The following SLC24A1 variants were observed in gnomAD, a reference collection of about 807,000 sequenced individuals.
SLC24A1 encodes sodium/potassium/calcium exchanger 1.
Under a neutral mutation model 88.1 loss-of-function variants are expected in SLC24A1, and 52 were observed. That is an observed-to-expected ratio of 0.59 (90% CI 0.47 to 0.74). SLC24A1 has a LOEUF of 0.74. Among genes scored for constraint, SLC24A1 ranks in the 30% least tolerant of loss-of-function variants. SLC24A1 has a pLI of 0.00. For missense variants in SLC24A1, 1,173 were observed against 1,363.3 expected (o/e 0.86, Z 2.20); for synonymous variants, 455 against 498.0 (o/e 0.91, Z 1.15).
rs757825927 is a variant in SLC24A1 at position 65,639,639 on chromosome 15, C to T, written c.1989C>T (p.His663=). Residue 663 remains histidine, a synonymous_variant, in exon 4 of 10, where the codon CAC becomes CAT. Transcript: ENST00000261892. ...LTRGSSSTSL[H]NSTIRSTIYQ... ...GAGGGAGCAGCTCGACCTCTCTGCA[C>T]AACAGCACCATCCGCAGCACCATCT... is the stretch of plus-strand genomic sequence containing the variant. The T allele has an allele frequency of 1.1e-5, 18 of 1,612,932 alleles. No individual in the cohort carries two copies. Among genetic ancestry groups the T allele is most frequent in the Non-Finnish European group, 1.4e-5 (17 of 1,179,576 alleles).
intron 1 of SLC24A1, among the ~76,000 whole-genome samples, chr15:65,622,573 T>A (rs62013124): frequency 1.2e-4 from 19 of 152,156 alleles, no homozygotes; most frequent in Non-Finnish European, 2.5e-4. Flanking sequence ...ACTAATCATT[T>A]CCAGTTATTG....
downstream of SLC24A1, chr15:65,660,181 C>A: frequency 3.9e-6 from 3 of 759,794 alleles, no homozygotes; most frequent in Non-Finnish European, 6.7e-6. Context: ...AAAGGAGAGG[C>A]AGATATATGT....
intron 6 of SLC24A1, among the ~76,000 whole-genome samples, chr15:65,646,218 C>G (rs1412855064): frequency 6.6e-6 from 1 of 152,110 alleles, no homozygotes; most frequent in African/African-American, 2.4e-5. Context: ...GATTTCTTGT[C>G]TCCATGTTTT....
intron 6 of SLC24A1, 39 bp downstream of exon 6, chr15:65,645,742 T>C (rs1358802929): frequency 2.1e-6 from 3 of 1,435,994 alleles, no homozygotes; most frequent in Non-Finnish European, 2.9e-6. Flanking sequence ...ATTGGAGAGG[T>C]CTAGGGAAGG....
intron 2 of SLC24A1, among the ~76,000 whole-genome samples, chr15:65,628,500 G>A (rs531695831): frequency 5.9e-4 from 90 of 152,292 alleles, no homozygotes; most frequent in African/African-American, 2.1e-3. Context: ...AGGAGTCAGG[G>A]GTTGAGAATC....
intron 6 of SLC24A1, among the ~76,000 whole-genome samples, 166 bp downstream of exon 6, chr15:65,645,869 A>G (rs1034038565): frequency 6.6e-6 from 1 of 152,236 alleles, no homozygotes; most frequent in South Asian, 2.1e-4. Flanking sequence ...CAAGTATCTC[A>G]TGGGGCCAAT....
At chr15:65,643,580 A>G (rs2075205035) in intron 4 of SLC24A1, among the ~76,000 whole-genome samples, 1 of 152,148 alleles carries the variant, frequency 6.6e-6, no homozygotes, top group Non-Finnish European at 1.5e-5. Flanking sequence ...CCTTCACCTC[A>G]GCCTTGTTCC....
In SLC24A1 at chr15:65,624,105, C is replaced by T. The variant is rs1317288532; in HGVS notation, c.25C>T (p.Pro9Ser). Residue 9 changes from proline (P) to serine (S), a missense_variant, in exon 2 of 10, where the codon CCG becomes TCG. Pro to Ser is a moderately conservative substitution (Grantham distance 74). Coordinates refer to ENST00000261892, the MANE Select transcript of SLC24A1 (RefSeq NM_004727.3). ...CATGGGGAAATTGATCAGGATGGGG[C>T]CGCAAGAGAGGTGGTTACTCCGGAC... Reference protein sequence around the residue: MGKLIRMGPQERWLLRTKR... With the variant: MGKLIRMGSQERWLLRTKR... 1.9e-6 allele frequency: 3 copies of T among 1,605,786 alleles called. No individual in the cohort carries two copies. The East Asian group carries it at 6.7e-5, about 36-fold the overall frequency.
At chr15:65,623,358 C>T (rs1416367006) in intron 1 of SLC24A1, among the ~76,000 whole-genome samples, 3 of 152,140 alleles carry the variant, frequency 2.0e-5, no homozygotes, top group African/African-American at 7.2e-5. Flanking sequence ...TCTAGGCTTT[C>T]AACTCCATTC....
intron 2 of SLC24A1, among the ~76,000 whole-genome samples, chr15:65,637,621 CACACA>C (rs1369026297): frequency 6.6e-6 from 1 of 152,160 alleles, no homozygotes; most frequent in African/African-American, 2.4e-5. Context: ...TCATGCTGGC[CACACA>C]GTGGTGAATA....
intron 6 of SLC24A1, among the ~76,000 whole-genome samples, chr15:65,647,475 CAAAAAAAAAAAA>C (rs199501932): frequency 0.11 from 9,203 of 81,592 alleles, 349 homozygotes; most frequent in African/African-American, 0.16. Context: ...GAGACTGTCT[CAAAAAAAAAAAA>C]AAAAAAAAAA....
upstream of SLC24A1, chr15:65,611,365 C>T (rs1273056737): frequency 6.6e-6 from 4 of 608,192 alleles, no homozygotes; most frequent in Admixed American, 5.8e-5. Context: ...TCCCCAACTT[C>T]TCTCGAGCCT....
At position 65,625,768 on chromosome 15, in the gene SLC24A1, CCTT is replaced by C. The variant is rs1555403793; in HGVS notation, c.1691_1693del (p.Phe564del). 3 of 1,614,042 alleles carry C rather than the reference CCTT, an allele frequency of 1.9e-6. No homozygotes were observed. The Admixed American group carries it at 5.0e-5, about 27-fold the overall frequency. On this transcript the variant is annotated inframe_deletion, in exon 2 of 10. Transcript: ENST00000261892. ...TGGTGGCCCTTATTCCGTGATGTCT[CCTT>C]CTACATCCTTGACCTGATAATGCTC...
chr15:65,656,459 T>C (rs1487436637), downstream of SLC24A1, among the ~76,000 whole-genome samples: 1 of 152,226 alleles, frequency 6.6e-6, no homozygotes, highest in Middle Eastern at 3.2e-3. Context: ...AAAAGACTAA[T>C]TGGTTATACC....
In SLC24A1 at chr15:65,651,748, T is replaced by G; in HGVS notation, c.2872T>G (p.Trp958Gly). 6.3e-7 allele frequency: 1 copy of G among 1,590,924 alleles called. No individual in the cohort carries two copies. The highest frequency in any genetic ancestry group is 1.3e-5 in the African/African-American group (1 of 74,588). Residue 958 changes from tryptophan (W) to glycine (G), a missense_variant, in exon 8 of 10, where the codon TGG becomes GGG. Coordinates refer to ENST00000261892, the MANE Select transcript of SLC24A1 (RefSeq NM_004727.3). Reference protein sequence around the residue: ...IAMFSYLMVWWAHQVGETIGI... With the variant: ...IAMFSYLMVWGAHQVGETIGI... The stretch of plus-strand genomic sequence containing the variant: ...CATGTTCTCATACCTCATGGTGTGG[T>G]GGGCTCACCAGGTGAGTGAACAGCA...
At chr15:65,660,959 G>A (rs899833186), downstream of SLC24A1, 9 of 152,136 alleles carry the variant, frequency 5.9e-5, no homozygotes, top group African/African-American at 1.9e-4. Context: ...ATTTCCCAAT[G>A]TAAGTTTTCA....
At chr15:65,634,103 A>G (rs1399398560) in intron 2 of SLC24A1, among the ~76,000 whole-genome samples, 1 of 152,146 alleles carries the variant, frequency 6.6e-6, no homozygotes, top group Non-Finnish European at 1.5e-5. Flanking sequence ...TTGGGATGCA[A>G]TACTGTATTC....
chr15:65,654,754 G>T lies in SLC24A1; in HGVS notation c.*675G>T, dbSNP rs1169806472. 6.9e-6 allele frequency: 8 copies of T among 1,159,856 alleles called. No individual in the cohort carries two copies. In the African/African-American group the frequency reaches 1.3e-4, roughly 19 times the overall value. The allele number at this position is 1,159,856 out of a possible 1,614,324, so 71.8% of individuals were successfully genotyped here. On this transcript the variant is annotated 3_prime_UTR_variant, in exon 10 of 10. Transcript: ENST00000261892. ...GAGTTTGGCTCTTGTTGCCCAGGCT[G>T]GTGTGCAATGGCGTGATCTCGGCAC... is the stretch of plus-strand genomic sequence containing the variant.
At chr15:65,628,406 G>A (rs776425838) in intron 2 of SLC24A1, among the ~76,000 whole-genome samples, 2 of 152,186 alleles carry the variant, frequency 1.3e-5, no homozygotes, top group African/African-American at 2.4e-5. Context: ...CCAGTGTCTT[G>A]TTCTTAGAAG....
Sources: gnomAD v4.1 joint callset for allele counts (sites outside exome capture counted in the v4.1 genomes callset) on GRCh38, gnomAD v4.1.1 for gene constraint, MANE v1.5 for transcripts, NCBI Gene and HGNC (gene_info 2026-07-23, HGNC 2026-07-21) for gene names.